Variants in HELZ observed in about 807,000 individuals in gnomAD.
HELZ encodes the protein ATP-dependent RNA helicase with zinc finger domain.
A neutral mutation model predicts 218.2 loss-of-function variants in HELZ; 23 were observed. The ratio of observed to expected loss-of-function variants is 0.11; its 90% CI spans 0.08 to 0.15. HELZ has a LOEUF of 0.15. HELZ is among the 10% of genes least tolerant of loss of function. The pLI is 1.00. For missense variants in HELZ, 1,813 were observed against 2,353.7 expected (o/e 0.77, Z 4.75); for synonymous variants, 814 against 829.4 (o/e 0.98, Z 0.32).
At chr17:67,195,823 CAG>C (rs1478381958) in intron 7 of HELZ, among the ~76,000 whole-genome samples, 2 of 144,780 alleles carry the variant, frequency 1.4e-5, no homozygotes, top group Non-Finnish European at 3.0e-5. Flanking sequence ...TGTCTGATTA[CAG>C]AGGTTTCTTT....
intron 32 of HELZ, among the ~76,000 whole-genome samples, chr17:67,083,882 G>A (rs2036273872): frequency 6.6e-6 from 1 of 152,146 alleles, no homozygotes; most frequent in Non-Finnish European, 1.5e-5. Context: ...TGTATTCAGT[G>A]TCAAAACGGG....
At chr17:67,224,014 C>A (rs775531198) in intron 3 of HELZ, among the ~76,000 whole-genome samples, 7 of 152,206 alleles carry the variant, frequency 4.6e-5, no homozygotes, top group Non-Finnish European at 8.8e-5. Context: ...TAAAAGCCCA[C>A]GATTTCCCTT....
At chr17:67,237,681 A>G (rs1242920649) in intron 3 of HELZ, among the ~76,000 whole-genome samples, 1 of 152,170 alleles carries the variant, frequency 6.6e-6, no homozygotes, top group Non-Finnish European at 1.5e-5. Context: ...GGAGGATGGA[A>G]AGTCATTTTA....
At chr17:67,125,374 A>C (rs971861371) in intron 24 of HELZ, among the ~76,000 whole-genome samples, 1 of 136,816 alleles carries the variant, frequency 7.3e-6, no homozygotes, top group Non-Finnish European at 1.6e-5. Context: ...CGTGATAAGA[A>C]AAGCATACAG....
chr17:67,245,023 G>C (rs1189297815), intron 1 of HELZ, 125 bp downstream of exon 1: 1 of 985,164 alleles, frequency 1.0e-6, no homozygotes, highest in Non-Finnish European at 1.2e-6. Context: ...CAGGCCCCCA[G>C]CCTGCCCCGG....
chr17:67,114,241 G>T (rs1256301051), intron 28 of HELZ, 83 bp downstream of exon 28: 4 of 875,426 alleles, frequency 4.6e-6, no homozygotes, highest in Non-Finnish European at 7.8e-6. Flanking sequence ...ACAAAGGGAG[G>T]TATTTTTCTT....
At chr17:67,195,838 C>CTTTTTTTTTTTTTTTTTTTTTTTTTT (rs66827855) in intron 7 of HELZ, among the ~76,000 whole-genome samples, 1 of 101,544 alleles carries the variant, frequency 9.8e-6, no homozygotes, top group Non-Finnish European at 1.8e-5. Flanking sequence ...GTTTCTTTTC[C>CTTTTTTTTTTTTTTTTTTTTTTTTTT]TTTTTTTTTT....
At chr17:67,185,067 G>C (rs1022151987) in intron 12 of HELZ, among the ~76,000 whole-genome samples, 7 of 152,126 alleles carry the variant, frequency 4.6e-5, no homozygotes, top group African/African-American at 1.7e-4. Flanking sequence ...TGATGAACTG[G>C]CTGAGGCTGA....
intron 31 of HELZ, among the ~76,000 whole-genome samples, chr17:67,105,006 G>T (rs1243612221): frequency 6.6e-6 from 1 of 152,056 alleles, no homozygotes; most frequent in African/African-American, 2.4e-5. Flanking sequence ...GGTGGTGGGC[G>T]CCTGTAGTCC....
chr17:67,236,287 C>G (rs1462347253), intron 3 of HELZ, among the ~76,000 whole-genome samples: 5 of 152,162 alleles, frequency 3.3e-5, no homozygotes, highest in Non-Finnish European at 7.3e-5. Flanking sequence ...TTCTCTACTA[C>G]TTATGGTAAA....
intron 13 of HELZ, among the ~76,000 whole-genome samples, chr17:67,168,182 T>C (rs2039206283): frequency 6.6e-6 from 1 of 152,052 alleles, no homozygotes; most frequent in African/African-American, 2.4e-5. Context: ...TTTTGACATG[T>C]TGGCCAGGCT....
chr17:67,123,906 G>T, intron 25 of HELZ, 57 bp downstream of exon 25: 1 of 1,219,820 alleles, frequency 8.2e-7, no homozygotes, highest in South Asian at 1.2e-5. Context: ...GGTGAAATTT[G>T]GGGAAAATCT....
intron 5 of HELZ, among the ~76,000 whole-genome samples, chr17:67,215,349 CTT>C (rs773776900): frequency 0.033 from 4,518 of 136,524 alleles, 179 homozygotes; most frequent in African/African-American, 0.11. Context: ...GCTATTCAAA[CTT>C]TTTTTTTTTT....
At chr17:67,215,721 A>C (rs2040582378) in intron 5 of HELZ, 178 bp downstream of exon 5, 2 of 628,312 alleles carry the variant, frequency 3.2e-6, no homozygotes, top group Non-Finnish European at 5.8e-6. Context: ...CATGAGTAAG[A>C]GCAATGTTCA....
intron 12 of HELZ, among the ~76,000 whole-genome samples, chr17:67,181,460 A>G (rs1212733641): frequency 6.6e-6 from 1 of 152,208 alleles, no homozygotes; most frequent in Non-Finnish European, 1.5e-5. Context: ...TCTATATAGT[A>G]CCCTGATTCC....
At chr17:67,121,755 G>A (rs906961216) in intron 26 of HELZ, among the ~76,000 whole-genome samples, 5 of 152,090 alleles carry the variant, frequency 3.3e-5, no homozygotes, top group Non-Finnish European at 7.4e-5. Context: ...TATACAAGAC[G>A]GACGGCCTCT....
At chr17:67,214,489 C>T (rs917331978) in intron 5 of HELZ, among the ~76,000 whole-genome samples, 1 of 151,746 alleles carries the variant, frequency 6.6e-6, no homozygotes, top group African/African-American at 2.4e-5. Context: ...TGGTTTCGAA[C>T]TCCTGACCTC....
chr17:67,152,700 T>C (rs1268518107), intron 17 of HELZ, among the ~76,000 whole-genome samples: 8 of 146,386 alleles, frequency 5.5e-5, no homozygotes, highest in African/African-American at 7.6e-5. Context: ...TGGGGCAAGA[T>C]AGCTACAATT....
rs1006327804 is a variant in HELZ, at chr17:67,073,501, C to G, written c.*4751G>C. The G allele has an allele frequency of 1.3e-5, 2 of 152,482 alleles. No individual in the cohort carries two copies. The highest frequency in any genetic ancestry group is 2.1e-4 in the South Asian group (1 of 4,824). The allele number at this position is 152,482 out of a possible 1,614,324, so 9.4% of individuals were successfully genotyped here. A position where few individuals can be genotyped will look rare whatever the true frequency, so the allele number is the denominator to read the frequency against. On this transcript the variant is annotated 3_prime_UTR_variant, in exon 33 of 33. Transcript: ENST00000358691. The stretch of plus-strand genomic sequence containing the variant: ...GATAACTGAAACTATATGAATGTCT[C>G]TGGGTTTTCTTAACACTCCAGTTTT...
Sources: allele counts gnomAD v4.1 joint callset (sites outside exome capture counted in the v4.1 genomes callset), GRCh38; gene constraint gnomAD v4.1.1; transcripts MANE v1.5; gene names NCBI Gene and HGNC (gene_info 2026-07-23, HGNC 2026-07-21).